ZC4H2: variants seen among roughly 807,000 people sequenced by gnomAD.
The protein encoded by ZC4H2 is zinc finger C4H2 domain-containing protein.
For synonymous variants in ZC4H2, 84 were observed against 66.3 expected, an observed-to-expected ratio of 1.27 and a Z score of -1.30; for missense variants, 137 against 173.9, an observed-to-expected ratio of 0.79 and a Z score of 1.19.
At chrX:64,919,452 T>C in intron 3 of ZC4H2, 1 of 349,316 alleles carries the variant, frequency 2.9e-6, no homozygotes, top group South Asian at 6.6e-5. Context: ...GCAAGATCCT[T>C]AAAGGGTATT....
At chrX:65,028,671 A>G (rs1355348385) in intron 1 of ZC4H2, among the ~76,000 whole-genome samples, 1 of 110,655 alleles carries the variant, frequency 9.0e-6, no homozygotes, top group Non-Finnish European at 1.9e-5. Flanking sequence ...AGTTGGGACC[A>G]CAGACGTGAG....
In ZC4H2 at chrX:64,918,721, A is replaced by G. The variant is rs944233475; in HGVS notation, c.561+321T>C. The G allele has an allele frequency of 2.2e-5, 4 of 185,382 alleles. No homozygotes were observed. The Admixed American group carries it at 2.2e-4, about 10-fold the overall frequency. 15.3% of individuals were successfully genotyped at this position (185,382 alleles called of 1,213,427 possible). A position where few individuals can be genotyped will look rare whatever the true frequency, so the allele number is the denominator to read the frequency against. ...TCCAAATGCTCCTGGAACCAGCTTT[A>G]TAATCCTGCTGGTTCCCTCATTTAT... On this transcript the variant is annotated intron_variant, in intron 4 of 4. Transcript: ENST00000374839.
At chrX:65,025,816 C>CAA (rs1932874048) in intron 1 of ZC4H2, among the ~76,000 whole-genome samples, 1 of 111,967 alleles carries the variant, frequency 8.9e-6, no homozygotes, top group Admixed American at 9.5e-5. Context: ...GGATGCTGCA[C>CAA]AAAATATTTT....
chrX:64,995,640 G>A lies in ZC4H2; in HGVS notation c.-272+38989C>T, dbSNP rs1158721602. On this transcript the variant is annotated intron_variant, in intron 1 of 4. Transcript: ENST00000337990. ...CTCCCAAAGTGCTGGGATTACAGGC[G>A]TGAGCCACCACATCAGGCCTTAGGT... 5.3e-5 allele frequency among the ~76,000 whole-genome samples: 6 copies of A among 112,381 alleles called. No homozygotes were observed. In the East Asian group the frequency reaches 8.4e-4, roughly 16 times the overall value.
intron 1 of ZC4H2, among the ~76,000 whole-genome samples, chrX:64,963,483 G>C (rs908299840): frequency 9.0e-6 from 1 of 111,472 alleles, no homozygotes; most frequent in Non-Finnish European, 1.9e-5. Flanking sequence ...ACAATAAACA[G>C]AGTAAAATGG....
At chrX:64,933,676 T>A (rs970555463) in intron 1 of ZC4H2, among the ~76,000 whole-genome samples, 3 of 111,474 alleles carry the variant, frequency 2.7e-5, no homozygotes, top group African/African-American at 9.8e-5. Context: ...ATGATGGTTT[T>A]AGTAGTTAAG....
intron 1 of ZC4H2, among the ~76,000 whole-genome samples, chrX:65,026,128 C>A (rs1198800139): frequency 8.9e-6 from 1 of 111,849 alleles, no homozygotes; most frequent in Admixed American, 9.5e-5. Flanking sequence ...ATCAACCCCA[C>A]CCTTTATTAA....
At chrX:64,957,574 T>C (rs1166097504) in intron 1 of ZC4H2, among the ~76,000 whole-genome samples, 2 of 111,588 alleles carry the variant, frequency 1.8e-5, no homozygotes, top group Non-Finnish European at 3.8e-5. Flanking sequence ...AACATAAAGA[T>C]ACAGGCTGGG....
chrX:65,001,235 C>T (rs1325504198), intron 1 of ZC4H2, among the ~76,000 whole-genome samples: 1 of 112,045 alleles, frequency 8.9e-6, no homozygotes, highest in Admixed American at 9.4e-5. Flanking sequence ...AACAGCAGAT[C>T]TCTCTGCAGG....
intron 1 of ZC4H2, among the ~76,000 whole-genome samples, chrX:65,018,687 C>T (rs1026293066): frequency 8.2e-5 from 9 of 110,245 alleles, no homozygotes; most frequent in Non-Finnish European, 1.7e-4. Context: ...GAGACAGAAC[C>T]GTTCACTCCC....
At chrX:64,951,289 G>T (rs1930814965) in intron 1 of ZC4H2, among the ~76,000 whole-genome samples, 1 of 112,168 alleles carries the variant, frequency 8.9e-6, no homozygotes, top group African/African-American at 3.2e-5. Context: ...ATAGCAGCAT[G>T]ACTTATACTC....
At chrX:64,920,310 T>C (rs2147348267) in intron 2 of ZC4H2, 57 bp from the exon 3 acceptor site, 1 of 1,131,697 alleles carries the variant, frequency 8.8e-7, no homozygotes, top group Non-Finnish European at 1.2e-6. Flanking sequence ...TCAGAGAGGA[T>C]CTATAGCTGA....
At chrX:64,920,774 G>T (rs1929161713) in intron 2 of ZC4H2, among the ~76,000 whole-genome samples, 1 of 112,363 alleles carries the variant, frequency 8.9e-6, no homozygotes, top group Non-Finnish European at 1.9e-5. Flanking sequence ...AGCAGCATCA[G>T]CATCACCTGG....
intron 1 of ZC4H2, among the ~76,000 whole-genome samples, chrX:65,012,867 G>A (rs956098986): frequency 1.8e-5 from 2 of 111,461 alleles, no homozygotes; most frequent in Admixed American, 1.9e-4. Flanking sequence ...CATATTCGTG[G>A]CAGGAAAGAT....
intron 3 of ZC4H2, 67 bp downstream of exon 3, chrX:64,920,014 A>G (rs1467506337): frequency 1.8e-6 from 2 of 1,098,120 alleles, no homozygotes; most frequent in Non-Finnish European, 2.4e-6. Flanking sequence ...GTGTGTGTGT[A>G]GGTATGTAAG....
chrX:64,921,729 C>A, intron 2 of ZC4H2, 88 bp downstream of exon 2: 1 of 1,045,798 alleles, frequency 9.6e-7, no homozygotes, highest in Non-Finnish European at 1.3e-6. Context: ...CCGAGCTAGG[C>A]CTAAGCCACA....
At chrX:64,934,851 C>T (rs1374577294) in intron 1 of ZC4H2, among the ~76,000 whole-genome samples, 2 of 112,075 alleles carry the variant, frequency 1.8e-5, no homozygotes, top group African/African-American at 6.5e-5. Flanking sequence ...CAGGAGATCC[C>T]CTTCGGTGCC....
chrX:64,941,886 C>T (rs1370672137), intron 1 of ZC4H2, among the ~76,000 whole-genome samples: 1 of 112,158 alleles, frequency 8.9e-6, no homozygotes, highest in African/African-American at 3.2e-5. Context: ...GATTTGGTAT[C>T]AGAATAATGC....
At chrX:64,990,779 C>T (rs1031670474) in intron 1 of ZC4H2, among the ~76,000 whole-genome samples, 3 of 111,025 alleles carry the variant, frequency 2.7e-5, no homozygotes, top group Middle Eastern at 4.6e-3. Context: ...GGGGAGTGAA[C>T]GGCTTCCCCT....
Sources: gnomAD v4.1 joint callset for allele counts (sites outside exome capture counted in the v4.1 genomes callset) on GRCh38, gnomAD v4.1.1 for gene constraint, MANE v1.5 for transcripts, NCBI Gene and HGNC (gene_info 2026-07-23, HGNC 2026-07-21) for gene names.